SH3KBP1: variants seen among roughly 807,000 people sequenced by gnomAD.
SH3KBP1 encodes SH3 domain-containing kinase-binding protein 1.
In SH3KBP1, 8 loss-of-function variants were observed where a neutral mutation model predicts 50.1. The observed-to-expected ratio is 0.16, with a 90% CI of 0.09 to 0.29. The LOEUF is 0.29. SH3KBP1 is among the 10% of genes least tolerant of loss of function. SH3KBP1 has a pLI of 1.00. For missense variants in SH3KBP1, 377 were observed against 535.2 expected (o/e 0.70, Z 2.92); for synonymous variants, 227 against 218.6 (o/e 1.04, Z -0.34).
chrX:19,592,430 T>C (rs1009007030), intron 10 of SH3KBP1, among the ~76,000 whole-genome samples: 1 of 111,961 alleles, frequency 8.9e-6, no homozygotes, highest in Admixed American at 9.5e-5. Context: ...ATCAATATAG[T>C]CACAGGAAAT....
chrX:19,664,111 C>T (rs1346769675), intron 6 of SH3KBP1, among the ~76,000 whole-genome samples: 2 of 111,412 alleles, frequency 1.8e-5, no homozygotes, highest in Admixed American at 9.5e-5. Context: ...ATCAATGGGA[C>T]GCCTCTTTCT....
intron 8 of SH3KBP1, among the ~76,000 whole-genome samples, chrX:19,630,877 G>T (rs1422297646): frequency 8.9e-6 from 1 of 111,814 alleles, no homozygotes; most frequent in Non-Finnish European, 1.9e-5. Context: ...GACAAGCCCT[G>T]GGGGAGGGGT....
intron 3 of SH3KBP1, among the ~76,000 whole-genome samples, chrX:19,710,345 G>A (rs986218056): frequency 9.0e-6 from 1 of 111,338 alleles, no homozygotes; most frequent in Non-Finnish European, 1.9e-5. Context: ...ACAGCGTTGT[G>A]ACTCCACGAT....
At chrX:19,639,071 C>T (rs778912060) in intron 7 of SH3KBP1, among the ~76,000 whole-genome samples, 4 of 111,758 alleles carry the variant, frequency 3.6e-5, no homozygotes, top group South Asian at 3.8e-4. Context: ...CAGAGGACAA[C>T]GCCCACCAAC....
chrX:19,872,822 C>T (rs1288357246), intron 1 of SH3KBP1, among the ~76,000 whole-genome samples: 1 of 102,612 alleles, frequency 9.7e-6, no homozygotes, highest in African/African-American at 4.0e-5. Context: ...TTCTCTCTCT[C>T]TCTCTCTCTC....
intron 1 of SH3KBP1, among the ~76,000 whole-genome samples, chrX:19,849,334 T>A (rs1487990469): frequency 9.0e-6 from 1 of 111,000 alleles, no homozygotes; most frequent in Non-Finnish European, 1.9e-5. Flanking sequence ...TGTAGGCAAA[T>A]GACTTAGTTT....
intron 9 of SH3KBP1, among the ~76,000 whole-genome samples, chrX:19,603,876 T>C (rs1316803652): frequency 1.8e-5 from 2 of 111,333 alleles, no homozygotes; most frequent in Non-Finnish European, 3.8e-5. Flanking sequence ...TTTGTAGAGA[T>C]TGGGTCTTGC....
intron 6 of SH3KBP1, among the ~76,000 whole-genome samples, chrX:19,653,516 G>GC (rs1257187971): frequency 9.1e-6 from 1 of 109,733 alleles, no homozygotes; most frequent in East Asian, 2.9e-4. Context: ...GTCGAGACTG[G>GC]CCTGACCAAC....
At chrX:19,739,559 T>A (rs2064706145) in intron 3 of SH3KBP1, among the ~76,000 whole-genome samples, 1 of 110,252 alleles carries the variant, frequency 9.1e-6, no homozygotes, top group Non-Finnish European at 1.9e-5. Context: ...GAGTCATGCC[T>A]ATGGGAGTCC....
rs1436983032 is a variant in SH3KBP1, at chrX:19,677,185, C to T, written c.726+6638G>A. Among the ~76,000 whole-genome samples, 5 of 111,855 alleles carry T rather than the reference C, an allele frequency of 4.5e-5. No homozygotes were observed. In the Admixed American group the frequency reaches 4.7e-4, roughly 11 times the overall value. The stretch of plus-strand genomic sequence containing the variant: ...CCATGTCAGGTTAGGTCCTGAGACT[C>T]ACTCGAGTATCTGTAACTTACCTAT... On this transcript the variant is annotated intron_variant, in intron 6 of 17. Transcript: ENST00000397821.
At chrX:19,806,723 C>T (rs1279977710) in intron 2 of SH3KBP1, among the ~76,000 whole-genome samples, 1 of 111,883 alleles carries the variant, frequency 8.9e-6, no homozygotes, top group Non-Finnish European at 1.9e-5. Context: ...CCATTTTCAT[C>T]TATTTTAAGC....
rs766932945 is a variant in SH3KBP1, at chrX:19,836,244, C to G, written c.43G>C (p.Asp15His). Residue 15 changes from aspartate (D) to histidine (H), a missense_variant, in exon 2 of 18, where the codon GAT (aspartate) becomes CAT (histidine). This residue lies in a region of SH3KBP1 where 257 missense variants were observed against 374.2 expected (regional missense o/e 0.69). Coordinates refer to ENST00000397821, the MANE Select transcript of SH3KBP1 (RefSeq NM_031892.3). ...CCCACGCTGATCGTCAGCTCATCAT[C>G]GTGCTGGGCCTGGTAGTCAAACTCC... ...IVEFDYQAQH[D>H]DELTISVGEI... is the part of the protein sequence containing the mutation. 8.3e-7 allele frequency: 1 copy of G among 1,208,722 alleles called. No individual in the cohort carries two copies. The highest frequency in any genetic ancestry group is 1.1e-6 in the Non-Finnish European group (1 of 894,417).
chrX:19,884,053 C>G (rs1027112331), intron 1 of SH3KBP1, among the ~76,000 whole-genome samples: 3 of 111,886 alleles, frequency 2.7e-5, no homozygotes, highest in African/African-American at 9.8e-5. Context: ...GCCACAAGAA[C>G]CAGGTGTGGC....
Position 19,805,525 on chromosome X carries a change from T to TAA in SH3KBP1, c.162+30598_162+30599dup, listed in dbSNP as rs776692061. Among the ~76,000 whole-genome samples the TAA allele has an allele frequency of 5.7e-3, 433 of 76,418 alleles. 5 individuals carry two copies. Among genetic ancestry groups the TAA allele is most frequent in the African/African-American group, 0.02 (418 of 20,437 alleles). 66.4% of individuals were successfully genotyped at this position (76,418 alleles called of 115,157 possible). ...TTTCAATTAAGACATGGCTGCATAT[T>TAA]AAAAAAAAAAAAAAAAAAACACCTC... is the stretch of plus-strand genomic sequence containing the variant. On this transcript the variant is annotated intron_variant, in intron 2 of 17. Coordinates refer to ENST00000397821, the MANE Select transcript of SH3KBP1 (RefSeq NM_031892.3).
intron 4 of SH3KBP1, among the ~76,000 whole-genome samples, chrX:19,702,347 A>C (rs905434809): frequency 1.8e-5 from 2 of 111,870 alleles, no homozygotes; most frequent in African/African-American, 3.3e-5. Flanking sequence ...GGGCCTATTT[A>C]ACTCTAGCTG....
chrX:19,765,232 A>G (rs1198410124), intron 2 of SH3KBP1, among the ~76,000 whole-genome samples: 1 of 110,381 alleles, frequency 9.1e-6, no homozygotes, highest in Admixed American at 9.6e-5. Flanking sequence ...GTTTCTTACC[A>G]CTGCTCTAAC....
At chrX:19,706,197 C>G (rs1249125866) in intron 4 of SH3KBP1, among the ~76,000 whole-genome samples, 1 of 111,562 alleles carries the variant, frequency 9.0e-6, no homozygotes, top group Non-Finnish European at 1.9e-5. Context: ...GATATAGATA[C>G]AACTGTTGAA....
intron 1 of SH3KBP1, among the ~76,000 whole-genome samples, chrX:19,863,197 GCTCT>G (rs758148478): frequency 2.7e-4 from 30 of 111,322 alleles, no homozygotes; most frequent in Non-Finnish European, 4.9e-4. Flanking sequence ...ACTGCAGTGT[GCTCT>G]CTTTTTTTTT....
intron 9 of SH3KBP1, 30 bp downstream of exon 9, chrX:19,607,908 T>G: frequency 8.7e-7 from 1 of 1,154,542 alleles, no homozygotes; most frequent in Non-Finnish European, 1.2e-6. Flanking sequence ...GAGCCACAAC[T>G]CCGCTGAAAT....
Sources: allele counts gnomAD v4.1 joint callset (sites outside exome capture counted in the v4.1 genomes callset), GRCh38; gene constraint gnomAD v4.1.1; regional missense constraint gnomAD v4.1.1; transcripts MANE v1.5; gene names NCBI Gene and HGNC (gene_info 2026-07-23, HGNC 2026-07-21).